PRDM5: variants seen among roughly 807,000 people sequenced by gnomAD.
PRDM5 encodes PR/SET domain 5.
Under a neutral mutation model 81.2 loss-of-function variants are expected in PRDM5, and 56 were observed. The observed-to-expected ratio is 0.69, with a 90% CI of 0.56 to 0.86. The LOEUF (loss-of-function observed/expected upper bound fraction) is 0.86, where lower values mean the gene tolerates loss of function less well. Among genes scored for constraint, PRDM5 ranks in the 40% least tolerant of loss-of-function variants. The pLI is 0.00. For synonymous variants in PRDM5, 267 were observed against 256.4 expected, an observed-to-expected ratio of 1.04 and a Z score of -0.39; for missense variants, 697 against 770.1, an observed-to-expected ratio of 0.91 and a Z score of 1.12.
At chr4:120,830,130 C>A (rs955270896) in intron 3 of PRDM5, among the ~76,000 whole-genome samples, 3 of 151,896 alleles carry the variant, frequency 2.0e-5, no homozygotes, top group East Asian at 3.9e-4. Context: ...ACAATAAAAC[C>A]AAAAGTCTTT....
intron 13 of PRDM5, among the ~76,000 whole-genome samples, chr4:120,764,737 A>C (rs1746139769): frequency 6.6e-6 from 1 of 152,244 alleles, no homozygotes; most frequent in African/African-American, 2.4e-5. Flanking sequence ...CTTGGGGAAA[A>C]CCTGAAGCTT....
At chr4:120,788,232 G>A (rs1464106340) in intron 10 of PRDM5, among the ~76,000 whole-genome samples, 1 of 152,046 alleles carries the variant, frequency 6.6e-6, no homozygotes, top group Non-Finnish European at 1.5e-5. Context: ...TAACTAAACT[G>A]TAGTAGATAT....
intron 2 of PRDM5, among the ~76,000 whole-genome samples, chr4:120,905,962 T>C (rs964290570): frequency 6.6e-5 from 10 of 152,038 alleles, no homozygotes; most frequent in African/African-American, 2.4e-4. Context: ...TTTTTCTGTA[T>C]TTAGATCTTT....
intron 8 of PRDM5, among the ~76,000 whole-genome samples, chr4:120,805,251 C>G (rs928887698): frequency 3.9e-5 from 6 of 152,154 alleles, no homozygotes; most frequent in African/African-American, 1.4e-4. Flanking sequence ...GACGGATTCA[C>G]AGCCGAATTC....
At chr4:120,684,411 C>T (rs2148973803), downstream of PRDM5, among the ~76,000 whole-genome samples, 1 of 152,020 alleles carries the variant, frequency 6.6e-6, no homozygotes, top group Non-Finnish European at 1.5e-5. Flanking sequence ...ATTAAGAAAA[C>T]AAATCCACTT....
intron 14 of PRDM5, among the ~76,000 whole-genome samples, chr4:120,720,405 C>T (rs892586776): frequency 1.3e-5 from 2 of 152,100 alleles, no homozygotes; most frequent in African/African-American, 4.8e-5. Context: ...GCTTTGAGAC[C>T]AAAAGATGAC....
chr4:120,784,055 A>C (rs898164160), intron 11 of PRDM5, among the ~76,000 whole-genome samples: 1 of 152,198 alleles, frequency 6.6e-6, no homozygotes, highest in Non-Finnish European at 1.5e-5. Flanking sequence ...ACTTAAAAGT[A>C]AGAAGTGTAA....
chr4:120,738,348 G>A (rs1450750268), intron 14 of PRDM5, among the ~76,000 whole-genome samples: 1 of 152,198 alleles, frequency 6.6e-6, no homozygotes, highest in Non-Finnish European at 1.5e-5. Flanking sequence ...TCGTATAATG[G>A]TGATGAACCT....
At chr4:120,827,871 A>T (rs887305405) in intron 3 of PRDM5, among the ~76,000 whole-genome samples, 3 of 152,088 alleles carry the variant, frequency 2.0e-5, no homozygotes, top group African/African-American at 4.8e-5. Flanking sequence ...TATGGGCCTC[A>T]ATGTCCTCAT....
At position 120,697,990 on chromosome 4, in the gene PRDM5, A is replaced by C. The variant is rs554959072; in HGVS notation, c.1729-2715T>G. Among the ~76,000 whole-genome samples, 14 of 152,162 alleles carry C rather than the reference A, an allele frequency of 9.2e-5. No homozygotes were observed. In the South Asian group the frequency reaches 2.9e-3, roughly 32 times the overall value. ...AAAAAAAAGAAAATGTCAATAGATT[A>C]ATATTAATATTAGCTGACATTGGTT... On this transcript the variant is annotated intron_variant, in intron 15 of 15. Coordinates refer to ENST00000264808, the MANE Select transcript of PRDM5 (RefSeq NM_018699.4).
intron 14 of PRDM5, among the ~76,000 whole-genome samples, chr4:120,715,049 T>C (rs1025900036): frequency 2.6e-5 from 4 of 152,188 alleles, no homozygotes; most frequent in African/African-American, 9.6e-5. Context: ...ATAGCATTTC[T>C]AGAGTCCAAG....
chr4:120,899,623 T>C (rs1765023186), intron 2 of PRDM5, among the ~76,000 whole-genome samples: 1 of 152,186 alleles, frequency 6.6e-6, no homozygotes, highest in South Asian at 2.1e-4. Context: ...CCACATGTGG[T>C]AGGGTTTCCC....
intron 14 of PRDM5, among the ~76,000 whole-genome samples, chr4:120,744,908 G>A (rs1742742694): frequency 8.3e-6 from 1 of 119,886 alleles, no homozygotes; most frequent in African/African-American, 3.3e-5. Flanking sequence ...AGAAAAAGAG[G>A]GAATCCTCCC....
chr4:120,804,856 A>C (rs1191469614), intron 8 of PRDM5, among the ~76,000 whole-genome samples: 1 of 152,240 alleles, frequency 6.6e-6, no homozygotes, highest in East Asian at 1.9e-4. Context: ...AGACCAGAGC[A>C]GAACTGGAGG....
At chr4:120,905,983 T>C (rs1417919483) in intron 2 of PRDM5, among the ~76,000 whole-genome samples, 1 of 152,132 alleles carries the variant, frequency 6.6e-6, no homozygotes, top group Non-Finnish European at 1.5e-5. Context: ...TTCAATTTCA[T>C]TTGCTAGAGA....
intron 3 of PRDM5, among the ~76,000 whole-genome samples, chr4:120,833,957 T>C (rs894002166): frequency 2.6e-5 from 4 of 152,090 alleles, no homozygotes; most frequent in African/African-American, 9.7e-5. Context: ...AATGGGCTCA[T>C]TAAAGTAGGG....
chr4:120,909,488 T>C (rs1449945525), intron 1 of PRDM5, among the ~76,000 whole-genome samples: 1 of 152,200 alleles, frequency 6.6e-6, no homozygotes, highest in Non-Finnish European at 1.5e-5. Flanking sequence ...TGTGGTTCCA[T>C]TTTCGGTCCA....
intron 14 of PRDM5, among the ~76,000 whole-genome samples, chr4:120,722,950 G>A (rs1281692490): frequency 6.6e-6 from 1 of 152,166 alleles, no homozygotes; most frequent in African/African-American, 2.4e-5. Flanking sequence ...ACCAACCATG[G>A]ATGGCCCTTC....
intron 2 of PRDM5, among the ~76,000 whole-genome samples, chr4:120,854,031 A>G (rs1424164686): frequency 6.6e-6 from 1 of 152,202 alleles, no homozygotes; most frequent in Non-Finnish European, 1.5e-5. Context: ...CGGGAATCTG[A>G]CATCCAATGA....
Sources: allele counts gnomAD v4.1 joint callset (sites outside exome capture counted in the v4.1 genomes callset), GRCh38; gene constraint gnomAD v4.1.1; transcripts MANE v1.5; gene names NCBI Gene and HGNC (gene_info 2026-07-23, HGNC 2026-07-21).